The following CUX2 variants were observed in gnomAD, a reference collection of about 807,000 sequenced individuals.
CUX2 encodes the protein cut like homeobox 2.
In CUX2, 40 loss-of-function variants were observed where a neutral mutation model predicts 144.8. The observed-to-expected ratio is 0.28, with a 90% CI of 0.21 to 0.36. The LOEUF (loss-of-function observed/expected upper bound fraction) is 0.36. Ranked by LOEUF, CUX2 falls within the 10% of genes least tolerant of loss-of-function variation. CUX2 has a pLI of 1.00. For missense variants in CUX2, 1,615 were observed against 1,994.0 expected (o/e 0.81, Z 3.62); for synonymous variants, 827 against 875.6 (o/e 0.94, Z 0.98).
chr12:111,253,819 G>A (rs958073677), intron 3 of CUX2, among the ~76,000 whole-genome samples: 2 of 133,574 alleles, frequency 1.5e-5, no homozygotes, highest in Non-Finnish European at 3.0e-5. Flanking sequence ...TTTAGAAACA[G>A]CCTTTTTTTT....
chr12:111,129,014 A>G lies in CUX2; in HGVS notation c.64-85186A>G, dbSNP rs182822506. 2.6e-5 allele frequency among the ~76,000 whole-genome samples: 4 copies of G among 152,352 alleles called. No individual in the cohort carries two copies. In the East Asian group the frequency reaches 7.7e-4, roughly 29 times the overall value. Reference sequence around the variant, plus strand: ...GAGAAATATGTTGGCTCCCAAATCCAAAGATGCCCACTAGGCATTTTGTCT... The same window carrying G: ...GAGAAATATGTTGGCTCCCAAATCCGAAGATGCCCACTAGGCATTTTGTCT... On this transcript the variant is annotated intron_variant, in intron 1 of 21. Coordinates refer to ENST00000261726, the MANE Select transcript of CUX2 (RefSeq NM_015267.4).
At chr12:111,200,065 G>T (rs3809294) in intron 1 of CUX2, among the ~76,000 whole-genome samples, 1 of 152,122 alleles carries the variant, frequency 6.6e-6, no homozygotes, top group East Asian at 1.9e-4. Flanking sequence ...CTCGGGTTGC[G>T]GGGGAGAGAG....
intron 1 of CUX2, among the ~76,000 whole-genome samples, chr12:111,206,328 T>C (rs185945283): frequency 1.3e-5 from 2 of 152,206 alleles, no homozygotes; most frequent in East Asian, 3.9e-4. Context: ...CAAAACCCTG[T>C]CTAAGAAAAA....
rs1777349444 is a variant in CUX2 at position 111,348,070 on chromosome 12, C to A, written c.4206C>A (p.Ser1402=). 1 of 1,613,978 alleles carries A rather than the reference C, an allele frequency of 6.2e-7. No individual in the cohort carries two copies. Among genetic ancestry groups the A allele is most frequent in the South Asian group, 1.1e-5 (1 of 91,090 alleles). ...EVSLNSPSAA[S]SPGLMMSVSP... ...CACTGAACTCGCCCTCGGCCGCCTC[C>A]TCACCAGGCCTCATGATGTCTGTGT... The change falls in exon 22 of 22, where the codon TCC becomes TCA. Residue 1402 remains serine, a synonymous_variant. Coordinates refer to ENST00000261726, the MANE Select transcript of CUX2 (RefSeq NM_015267.4).
intron 2 of CUX2, 43 bp from the exon 3 acceptor site, chr12:111,217,847 C>G: frequency 6.2e-7 from 1 of 1,611,112 alleles, no homozygotes; most frequent in Non-Finnish European, 8.5e-7. Context: ...CGGGGGCGTC[C>G]CACCTGGCAC....
Position 111,310,411 on chromosome 12 carries a change from G to C in CUX2, c.1629G>C (p.Ala543=). ...CCGCGGATGGTGGTGGGGGCGGAGC[G>C]GCGGGGCCCGGGGCAGAGGAGGAGC... ...PEPADGGGGG[A]AGPGAEEEQL... Residue 543 remains alanine, a synonymous_variant, in exon 15 of 22, where the codon GCG becomes GCC. Transcript: ENST00000261726. The surrounding 1 kb of genome is among the most constrained non-coding windows in gnomAD (Gnocchi z 7.9). The C allele has an allele frequency of 5.6e-6, 9 of 1,610,808 alleles. No individual in the cohort carries two copies. Among genetic ancestry groups the C allele is most frequent in the Non-Finnish European group, 7.6e-6 (9 of 1,178,780 alleles).
chr12:111,053,818 T>G (rs912972457), intron 1 of CUX2, among the ~76,000 whole-genome samples: 2 of 152,208 alleles, frequency 1.3e-5, no homozygotes, highest in African/African-American at 4.8e-5. Context: ...GCATGGTGAT[T>G]GGTAAACATT....
chr12:111,222,845 C>A (rs1881924348), intron 3 of CUX2, among the ~76,000 whole-genome samples: 1 of 152,122 alleles, frequency 6.6e-6, no homozygotes, highest in South Asian at 2.1e-4. Flanking sequence ...GGCATGATCA[C>A]CTTCTAGGAG....
chr12:111,106,960 G>C (rs993494312), intron 1 of CUX2, among the ~76,000 whole-genome samples: 1 of 152,202 alleles, frequency 6.6e-6, no homozygotes, highest in East Asian at 1.9e-4. Context: ...AGGGTTGCTG[G>C]ACAGGCTGTG....
chr12:111,290,678 C>G (rs1457516621), intron 4 of CUX2, among the ~76,000 whole-genome samples: 1 of 152,106 alleles, frequency 6.6e-6, no homozygotes, highest in African/African-American at 2.4e-5. Flanking sequence ...CCACCTGCCA[C>G]AGCCTCCCAA....
intron 16 of CUX2, among the ~76,000 whole-genome samples, chr12:111,318,228 A>ATTT (rs774135980): frequency 8.3e-6 from 1 of 120,192 alleles, no homozygotes; most frequent in African/African-American, 3.9e-5. Context: ...TGCCTGGCTA[A>ATTT]TTTTTTTTTC....
chr12:111,221,477 C>A (rs12305284), intron 3 of CUX2, among the ~76,000 whole-genome samples: 2 of 152,102 alleles, frequency 1.3e-5, no homozygotes, highest in African/African-American at 4.8e-5. Flanking sequence ...GCTGGCACTG[C>A]GATTCCCAAG....
At chr12:111,313,583 A>C (rs1887017543) in intron 16 of CUX2, among the ~76,000 whole-genome samples, 1 of 151,484 alleles carries the variant, frequency 6.6e-6, no homozygotes, top group South Asian at 2.1e-4. Flanking sequence ...CAGAGCTTAC[A>C]GTGAGCCGAG....
chr12:111,269,871 C>G (rs1039266135), intron 4 of CUX2, among the ~76,000 whole-genome samples: 4 of 152,136 alleles, frequency 2.6e-5, no homozygotes, highest in African/African-American at 9.7e-5. Flanking sequence ...TCCCAACTCT[C>G]CTCCCCAGAA....
chr12:111,212,917 G>A (rs550191282), intron 1 of CUX2, among the ~76,000 whole-genome samples: 5 of 152,266 alleles, frequency 3.3e-5, no homozygotes, highest in East Asian at 1.9e-4. Context: ...TTTGCAGTGG[G>A]TTAATAGTAC....
intron 1 of CUX2, among the ~76,000 whole-genome samples, chr12:111,165,957 A>G (rs1169552733): frequency 6.6e-6 from 1 of 152,160 alleles, no homozygotes. Context: ...TGTTACTCTA[A>G]TATTACTAAT....
At chr12:111,199,752 C>T (rs778620362) in intron 1 of CUX2, among the ~76,000 whole-genome samples, 6 of 151,862 alleles carry the variant, frequency 4.0e-5, no homozygotes, top group Non-Finnish European at 8.8e-5. Flanking sequence ...CTCTGTGTCC[C>T]GGCGTCCCTG....
At position 111,333,793 on chromosome 12, in the gene CUX2, G is replaced by A. The variant is rs373721755; in HGVS notation, c.2927-648G>A. ...AGAATCGCTTGAACCCGGGAAAGAG[G>A]TTGCAGTGAGCCGAGATCGCACCAC... On this transcript the variant is annotated intron_variant, in intron 18 of 21. Coordinates refer to ENST00000261726, the MANE Select transcript of CUX2 (RefSeq NM_015267.4). Among the ~76,000 whole-genome samples the A allele has an allele frequency of 2.0e-5, 3 of 151,994 alleles. No individual in the cohort carries two copies. The East Asian group carries it at 5.8e-4, about 29-fold the overall frequency.
chr12:111,143,398 C>T (rs536612316), intron 1 of CUX2, among the ~76,000 whole-genome samples: 1 of 152,234 alleles, frequency 6.6e-6, no homozygotes, highest in African/African-American at 2.4e-5. Flanking sequence ...AGAGCCCTGT[C>T]ATTCGCACCA....
Sources: allele counts gnomAD v4.1 joint callset (sites outside exome capture counted in the v4.1 genomes callset), GRCh38; gene constraint gnomAD v4.1.1; non-coding constraint Gnocchi (gnomAD v3.1); transcripts MANE v1.5; gene names NCBI Gene and HGNC (gene_info 2026-07-23, HGNC 2026-07-21).